BTBD9: variants seen among roughly 807,000 people sequenced by gnomAD.
BTBD9 encodes BTB domain containing 9, also known as BTB/POZ domain-containing protein 9.
A neutral mutation model predicts 64.3 loss-of-function variants in BTBD9; 49 were observed. The observed-to-expected ratio is 0.76, with a 90% CI of 0.61 to 0.97. The LOEUF is 0.97. BTBD9 is among the 50% of genes least tolerant of loss of function. The probability of loss-of-function intolerance (pLI) is 0.00; values close to 1 mark genes in which losing one functional copy is unlikely to be tolerated. For missense variants in BTBD9, 598 were observed against 762.1 expected (o/e 0.78, Z 2.53); for synonymous variants, 260 against 274.7 (o/e 0.95, Z 0.53).
intron 9 of BTBD9, among the ~76,000 whole-genome samples, chr6:38,198,834 C>T (rs938136467): frequency 7.9e-5 from 12 of 152,170 alleles, no homozygotes; most frequent in African/African-American, 2.9e-4. Context: ...CATGCAGACA[C>T]ATGCATGACC....
chr6:38,221,403 C>G (rs915758211), intron 9 of BTBD9, among the ~76,000 whole-genome samples: 4 of 152,292 alleles, frequency 2.6e-5, no homozygotes, highest in South Asian at 2.1e-4. Flanking sequence ...AGCCTCCCCC[C>G]AGGGAGCCAC....
chr6:38,619,343 G>A (rs543458449), intron 1 of BTBD9, among the ~76,000 whole-genome samples: 10 of 152,266 alleles, frequency 6.6e-5, no homozygotes, highest in Admixed American at 2.6e-4. Flanking sequence ...TAAAAGAAAG[G>A]CCACAGCCTT....
chr6:38,337,136 T>G (rs1310937740), intron 7 of BTBD9, among the ~76,000 whole-genome samples: 1 of 152,240 alleles, frequency 6.6e-6, no homozygotes, highest in African/African-American at 2.4e-5. Flanking sequence ...CCAGGAAGTT[T>G]GCTTCTTTGC....
At chr6:38,447,906 G>A (rs1033929509) in intron 6 of BTBD9, among the ~76,000 whole-genome samples, 3 of 152,230 alleles carry the variant, frequency 2.0e-5, no homozygotes, top group African/African-American at 7.2e-5. Context: ...CATAGGATGA[G>A]TGAAGACTGG....
chr6:38,309,499 A>G (rs113812717), intron 7 of BTBD9, among the ~76,000 whole-genome samples: 4,626 of 150,974 alleles, frequency 0.031, 219 homozygotes, highest in African/African-American at 0.11. Flanking sequence ...TGCAACCTCC[A>G]ACTCCCTGGT....
chr6:38,299,470 T>A (rs887331826), intron 7 of BTBD9, among the ~76,000 whole-genome samples: 3 of 152,174 alleles, frequency 2.0e-5, no homozygotes, highest in Non-Finnish European at 4.4e-5. Context: ...TACAGCCCCA[T>A]CAACAGTGTA....
chr6:38,326,834 T>C (rs57575973), intron 7 of BTBD9, among the ~76,000 whole-genome samples: 15,877 of 151,926 alleles, frequency 0.1, 1,810 homozygotes, highest in East Asian at 0.37. Flanking sequence ...GTGGGGCCTG[T>C]CTGTACTACT....
chr6:38,260,331 A>G (rs1288788877), intron 8 of BTBD9, among the ~76,000 whole-genome samples: 1 of 152,196 alleles, frequency 6.6e-6, no homozygotes, highest in Non-Finnish European at 1.5e-5. Flanking sequence ...GATAATGTTG[A>G]GGTTATTTTC....
chr6:38,236,796 A>G (rs561691267), intron 9 of BTBD9, among the ~76,000 whole-genome samples: 1 of 152,346 alleles, frequency 6.6e-6, no homozygotes, highest in South Asian at 2.1e-4. Flanking sequence ...GAGTGGATTC[A>G]GTTCCGCATG....
chr6:38,384,678 A>G (rs980695485), intron 6 of BTBD9, among the ~76,000 whole-genome samples: 1 of 152,214 alleles, frequency 6.6e-6, no homozygotes, highest in African/African-American at 2.4e-5. Context: ...GTAATATGTG[A>G]TAACTCCTAA....
intron 3 of BTBD9, 132 bp downstream of exon 3, chr6:38,593,832 C>T (rs1776918810): frequency 1.9e-5 from 15 of 800,082 alleles, no homozygotes; most frequent in Non-Finnish European, 2.5e-5. Context: ...AGTGGCTAGA[C>T]CAGATAACCA....
intron 9 of BTBD9, among the ~76,000 whole-genome samples, chr6:38,246,814 T>A (rs1379084979): frequency 1.3e-5 from 2 of 152,190 alleles, no homozygotes; most frequent in Non-Finnish European, 2.9e-5. Flanking sequence ...CAGAAAAATC[T>A]GAGGACAACA....
At chr6:38,599,729 T>C (rs1777180398) in intron 1 of BTBD9, among the ~76,000 whole-genome samples, 1 of 152,228 alleles carries the variant, frequency 6.6e-6, no homozygotes, top group Non-Finnish European at 1.5e-5. Context: ...GTGTCAAAAA[T>C]AGTCTTTCTC....
intron 6 of BTBD9, among the ~76,000 whole-genome samples, chr6:38,435,601 C>CCTT (rs1562182288): frequency 1.1e-4 from 6 of 52,348 alleles, no homozygotes; most frequent in African/African-American, 4.5e-4. Context: ...TCTTTTCCCT[C>CCTT]CCTTCCTTCC....
At chr6:38,483,037 T>G (rs563048713) in intron 6 of BTBD9, among the ~76,000 whole-genome samples, 98 of 152,158 alleles carry the variant, frequency 6.4e-4, no homozygotes, top group Admixed American at 5.2e-4. Context: ...TCCACTCTCC[T>G]GCATTATCAA....
intron 6 of BTBD9, among the ~76,000 whole-genome samples, chr6:38,350,057 A>G (rs181401282): frequency 1.7e-3 from 264 of 152,344 alleles, no homozygotes; most frequent in Non-Finnish European, 2.9e-3. Flanking sequence ...TGTGAAATCC[A>G]GGGAGACTGC....
rs140389284 is a variant in BTBD9 at position 38,311,285 on chromosome 6, A to G, written c.1265-22824T>C. 4.0e-3 allele frequency among the ~76,000 whole-genome samples: 597 copies of G among 150,112 alleles called. 2 individuals are homozygous for G. The highest frequency in any genetic ancestry group is 0.017 in the Middle Eastern group (5 of 294). On this transcript the variant is annotated intron_variant, in intron 7 of 10. Transcript: ENST00000481247. Reference sequence around the variant, plus strand: ...CACAGTCTCTGGTAAGAATCATTCTACTCTCTATCTCCATGAGTTCAATTG... The same window carrying G: ...CACAGTCTCTGGTAAGAATCATTCTGCTCTCTATCTCCATGAGTTCAATTG...
chr6:38,362,824 A>T (rs1472171695), intron 6 of BTBD9, among the ~76,000 whole-genome samples: 1 of 152,168 alleles, frequency 6.6e-6, no homozygotes, highest in East Asian at 1.9e-4. Flanking sequence ...GAATTAAATA[A>T]CCATGATATG....
chr6:38,292,613 T>A (rs900416969), intron 7 of BTBD9, among the ~76,000 whole-genome samples: 2 of 152,194 alleles, frequency 1.3e-5, no homozygotes, highest in African/African-American at 2.4e-5. Flanking sequence ...TTAGAGGTGT[T>A]TATAGTATTC....
Sources: allele counts gnomAD v4.1 joint callset (sites outside exome capture counted in the v4.1 genomes callset), GRCh38; gene constraint gnomAD v4.1.1; transcripts MANE v1.5; gene names NCBI Gene and HGNC (gene_info 2026-07-23, HGNC 2026-07-21).